SLC39A11: variants seen among roughly 807,000 people sequenced by gnomAD.
SLC39A11 encodes the protein zinc transporter ZIP11.
In SLC39A11, 33 loss-of-function variants were observed where a neutral mutation model predicts 36.1. That is an observed-to-expected ratio of 0.91 (90% CI 0.69 to 1.22). SLC39A11 has a LOEUF of 1.22. SLC39A11 is among the 50% of genes most tolerant of loss of function. The pLI, the probability that SLC39A11 is intolerant of heterozygous loss-of-function variation, is 0.00. For synonymous variants in SLC39A11, 166 were observed against 170.3 expected, an observed-to-expected ratio of 0.97 and a Z score of 0.20; for missense variants, 432 against 430.3, an observed-to-expected ratio of 1.00 and a Z score of -0.03.
At chr17:73,087,229 T>G (rs192216970) in intron 2 of SLC39A11, among the ~76,000 whole-genome samples, 72 of 152,290 alleles carry the variant, frequency 4.7e-4, no homozygotes, top group African/African-American at 1.7e-3. Flanking sequence ...ACCATGTTTC[T>G]GGATTGTGTG....
intron 5 of SLC39A11, among the ~76,000 whole-genome samples, chr17:72,918,879 A>G (rs553961244): frequency 6.6e-6 from 1 of 152,178 alleles, no homozygotes; most frequent in African/African-American, 2.4e-5. Flanking sequence ...CCTGGCCAAC[A>G]TGGTGAAACC....
chr17:72,880,601 C>T (rs1361676290), intron 5 of SLC39A11, among the ~76,000 whole-genome samples: 3 of 149,550 alleles, frequency 2.0e-5, no homozygotes, highest in Non-Finnish European at 4.4e-5. Context: ...AGAGAGGAGA[C>T]AAGTAAATGC....
intron 4 of SLC39A11, among the ~76,000 whole-genome samples, chr17:73,017,026 GA>G (rs1370672540): frequency 6.6e-6 from 1 of 152,206 alleles, no homozygotes; most frequent in Non-Finnish European, 1.5e-5. Flanking sequence ...GAGAGGTATA[GA>G]AACTTTTGCC....
Position 72,820,349 on chromosome 17 carries a change from T to C in SLC39A11, c.601+29285A>G, listed in dbSNP as rs1216803195. Among the ~76,000 whole-genome samples the C allele has an allele frequency of 1.3e-5, 2 of 151,278 alleles. 1 individual carries two copies. Among genetic ancestry groups the C allele is most frequent in the Non-Finnish European group, 3.0e-5 (2 of 67,514 alleles). On this transcript the variant is annotated intron_variant, in intron 6 of 9. Coordinates refer to ENST00000255559, the MANE Select transcript of SLC39A11 (RefSeq NM_139177.4). The stretch of plus-strand genomic sequence containing the variant: ...AAGTTCTTGCGATGTCCCATCCTCA[T>C]GAATACATTTGTAGCTGTCTTAAGC...
Position 72,701,743 on chromosome 17 carries a change from A to AAG in SLC39A11, c.671+34906_671+34907insCT, listed in dbSNP as rs1354643951. Reference sequence around the variant, plus strand: ...ATTCTGTCTCAAAAAAAAAAAAAAAAAAAGAAAAAGAGAAAGAAAGAAAGA... The same window carrying AAG: ...ATTCTGTCTCAAAAAAAAAAAAAAAAAGAAAGAAAAAGAGAAAGAAAGAAAGA... On this transcript the variant is annotated intron_variant, in intron 7 of 9. Coordinates refer to ENST00000255559, the MANE Select transcript of SLC39A11 (RefSeq NM_139177.4). Among the ~76,000 whole-genome samples the AAG allele has an allele frequency of 2.7e-4, 41 of 150,216 alleles. 1 individual carries two copies. Among genetic ancestry groups the AAG allele is most frequent in the African/African-American group, 9.1e-4 (37 of 40,698 alleles).
At chr17:72,821,164 A>T (rs1208427994) in intron 6 of SLC39A11, among the ~76,000 whole-genome samples, 2 of 150,532 alleles carry the variant, frequency 1.3e-5, no homozygotes, top group Admixed American at 1.3e-4. Flanking sequence ...ATCATCATGC[A>T]GTAGGGTGGG....
chr17:72,954,061 T>C (rs1003617511), intron 4 of SLC39A11, among the ~76,000 whole-genome samples: 5 of 152,174 alleles, frequency 3.3e-5, no homozygotes, highest in Admixed American at 3.3e-4. Context: ...TTTGTTATTT[T>C]TGAGAGACAG....
At chr17:72,889,345 T>A (rs1388840399) in intron 5 of SLC39A11, among the ~76,000 whole-genome samples, 1 of 152,048 alleles carries the variant, frequency 6.6e-6, no homozygotes, top group East Asian at 1.9e-4. Flanking sequence ...TGAAACCCCA[T>A]CTCCAATAAA....
At chr17:73,048,284 G>A (rs933928961) in intron 3 of SLC39A11, among the ~76,000 whole-genome samples, 11 of 151,976 alleles carry the variant, frequency 7.2e-5, no homozygotes, top group African/African-American at 9.7e-5. Context: ...GAGAACAGGC[G>A]GTATTTGGTT....
At chr17:72,792,741 T>C (rs984123805) in intron 6 of SLC39A11, among the ~76,000 whole-genome samples, 1 of 152,076 alleles carries the variant, frequency 6.6e-6, no homozygotes, top group African/African-American at 2.4e-5. Flanking sequence ...GAGGTTAAGG[T>C]CAGGGGTCTT....
At chr17:72,927,093 C>G (rs1406724930) in intron 5 of SLC39A11, among the ~76,000 whole-genome samples, 17 of 152,294 alleles carry the variant, frequency 1.1e-4, no homozygotes, top group East Asian at 5.8e-4. Flanking sequence ...GTCGCCCAGG[C>G]TGGAGTGCAG....
chr17:72,787,179 T>C (rs4793310), intron 6 of SLC39A11, among the ~76,000 whole-genome samples: 81,012 of 150,878 alleles, frequency 0.54, 23,431 homozygotes, highest in Non-Finnish European at 0.66. Flanking sequence ...TGCGGATGAA[T>C]GCATCTTAAG....
At chr17:73,088,553 C>T (rs1166875145) in intron 2 of SLC39A11, 104 bp downstream of exon 2, 1 of 836,934 alleles carries the variant, frequency 1.2e-6, no homozygotes, top group Non-Finnish European at 2.0e-6. Context: ...GGGGGTGTGG[C>T]CAGGGGCACT....
At chr17:72,700,812 C>A (rs933805614) in intron 7 of SLC39A11, among the ~76,000 whole-genome samples, 1 of 152,214 alleles carries the variant, frequency 6.6e-6, no homozygotes, top group African/African-American at 2.4e-5. Context: ...CCAAGCGAAA[C>A]GGGTTTCCCC....
intron 6 of SLC39A11, among the ~76,000 whole-genome samples, chr17:72,800,370 G>A (rs375690468): frequency 6.7e-6 from 1 of 148,852 alleles, no homozygotes; most frequent in East Asian, 2.0e-4. Flanking sequence ...GAGTGCAGTG[G>A]TGCAATCTCA....
At chr17:72,919,292 A>G (rs2083504837) in intron 5 of SLC39A11, among the ~76,000 whole-genome samples, 1 of 152,098 alleles carries the variant, frequency 6.6e-6, no homozygotes, top group Non-Finnish European at 1.5e-5. Context: ...ATAGAATAGG[A>G]AATGGGTAAG....
At chr17:73,053,879 T>C (rs772111328) in intron 3 of SLC39A11, among the ~76,000 whole-genome samples, 4 of 152,240 alleles carry the variant, frequency 2.6e-5, no homozygotes, top group African/African-American at 4.8e-5. Flanking sequence ...AGAGATGTAA[T>C]GAGTTTACAT....
intron 1 of SLC39A11, among the ~76,000 whole-genome samples, chr17:73,089,148 G>A (rs370987116): frequency 1.1e-4 from 16 of 152,236 alleles, no homozygotes; most frequent in Middle Eastern, 3.4e-3. Context: ...CTCTTCTACC[G>A]TCTCTTGCCC....
chr17:73,030,788 A>C (rs1437576159), intron 4 of SLC39A11, among the ~76,000 whole-genome samples: 1 of 152,112 alleles, frequency 6.6e-6, no homozygotes, highest in East Asian at 1.9e-4. Context: ...GGCTTTAGCC[A>C]ATGGCTTGCG....
Sources: allele counts gnomAD v4.1 joint callset (sites outside exome capture counted in the v4.1 genomes callset), GRCh38; gene constraint gnomAD v4.1.1; transcripts MANE v1.5; gene names NCBI Gene and HGNC (gene_info 2026-07-23, HGNC 2026-07-21).